TRPS1: variants seen among roughly 807,000 people sequenced by gnomAD.
TRPS1 encodes the protein zinc finger transcription factor Trps1.
A neutral mutation model predicts 101.2 loss-of-function variants in TRPS1; 6 were observed. The ratio of observed to expected loss-of-function variants is 0.06; its 90% CI spans 0.03 to 0.12. The LOEUF (loss-of-function observed/expected upper bound fraction) is 0.12, where lower values mean the gene tolerates loss of function less well. Ranked by LOEUF, TRPS1 falls within the 10% of genes least tolerant of loss-of-function variation. The pLI is 1.00. For synonymous variants in TRPS1, 578 were observed against 589.8 expected, an observed-to-expected ratio of 0.98 and a Z score of 0.29; for missense variants, 1,363 against 1,567.0, an observed-to-expected ratio of 0.87 and a Z score of 2.20.
intron 5 of TRPS1, among the ~76,000 whole-genome samples, chr8:115,438,258 A>T (rs1232012193): frequency 1.3e-5 from 2 of 152,202 alleles, no homozygotes; most frequent in Non-Finnish European, 2.9e-5. Context: ...AATGCCATTC[A>T]TTGAGTATCT....
At position 115,413,403 on chromosome 8, in the gene TRPS1, G is replaced by C. The variant is rs779999597; in HGVS notation, c.*620C>G. The C allele has an allele frequency of 6.5e-6, 1 of 152,672 alleles. No homozygotes were observed. Among genetic ancestry groups the C allele is most frequent in the South Asian group, 2.1e-4 (1 of 4,828 alleles). The allele number at this position is 152,672 out of a possible 1,614,324, so 9.5% of individuals were successfully genotyped here. Reference sequence around the variant, plus strand: ...ACAGGCAGGGCTGGGTAAAAACAGCGTGCCACCATCTGTCATGTTGCTTGC... The same window carrying C: ...ACAGGCAGGGCTGGGTAAAAACAGCCTGCCACCATCTGTCATGTTGCTTGC... On this transcript the variant is annotated 3_prime_UTR_variant, in exon 7 of 7. Transcript: ENST00000395715.
At chr8:115,553,351 A>G (rs1816746018) in intron 5 of TRPS1, among the ~76,000 whole-genome samples, 1 of 152,094 alleles carries the variant, frequency 6.6e-6, no homozygotes, top group Non-Finnish European at 1.5e-5. Context: ...AAAATAAATA[A>G]TGACTGAATC....
intron 5 of TRPS1, among the ~76,000 whole-genome samples, chr8:115,535,406 A>T (rs1054293292): frequency 5.4e-5 from 8 of 148,570 alleles, no homozygotes; most frequent in African/African-American, 1.7e-4. Flanking sequence ...GCATATATAT[A>T]GCATATATAG....
intron 5 of TRPS1, among the ~76,000 whole-genome samples, chr8:115,456,490 AT>A (rs1449412983): frequency 2.6e-5 from 4 of 152,210 alleles, no homozygotes; most frequent in African/African-American, 9.6e-5. Flanking sequence ...TATATATAAT[AT>A]CGATTTTACA....
intron 5 of TRPS1, among the ~76,000 whole-genome samples, chr8:115,422,459 C>T (rs536850443): frequency 2.6e-5 from 4 of 152,176 alleles, no homozygotes; most frequent in East Asian, 3.9e-4. Context: ...CTCCGCCTCC[C>T]GGGTTCAAGT....
At chr8:115,480,492 G>T (rs1211418359) in intron 5 of TRPS1, among the ~76,000 whole-genome samples, 1 of 152,054 alleles carries the variant, frequency 6.6e-6, no homozygotes, top group Non-Finnish European at 1.5e-5. Context: ...TAAGGCATGA[G>T]AAACCTGATG....
At chr8:115,435,910 T>C (rs1280072018) in intron 5 of TRPS1, among the ~76,000 whole-genome samples, 1 of 151,524 alleles carries the variant, frequency 6.6e-6, no homozygotes, top group Non-Finnish European at 1.5e-5. Flanking sequence ...ATGAAGCAAT[T>C]AAGAGAACGA....
chr8:115,482,450 C>T (rs559285195), intron 5 of TRPS1, among the ~76,000 whole-genome samples: 16 of 151,924 alleles, frequency 1.1e-4, no homozygotes, highest in Non-Finnish European at 2.1e-4. Flanking sequence ...TCAATTACTA[C>T]GAATATCTAA....
At chr8:115,598,366 G>A (rs1817834883) in intron 4 of TRPS1, among the ~76,000 whole-genome samples, 1 of 152,144 alleles carries the variant, frequency 6.6e-6, no homozygotes, top group South Asian at 2.1e-4. Flanking sequence ...CCAGGCCAGT[G>A]GCATGATCAT....
At chr8:115,500,011 A>T (rs746256482) in intron 5 of TRPS1, among the ~76,000 whole-genome samples, 2 of 135,588 alleles carry the variant, frequency 1.5e-5, no homozygotes, top group African/African-American at 2.9e-5. Flanking sequence ...ATTTCTGAAG[A>T]GTGGTCAGCT....
intron 5 of TRPS1, among the ~76,000 whole-genome samples, chr8:115,575,180 A>G (rs1817288888): frequency 6.6e-6 from 1 of 152,166 alleles, no homozygotes; most frequent in East Asian, 1.9e-4. Context: ...GGCACTATTG[A>G]TAATAGCAAA....
chr8:115,586,444 G>A (rs1817560390), intron 5 of TRPS1, among the ~76,000 whole-genome samples: 1 of 151,924 alleles, frequency 6.6e-6, no homozygotes, highest in African/African-American at 2.4e-5. Flanking sequence ...TTCACACTTA[G>A]CCTTTTCTCA....
intron 3 of TRPS1, among the ~76,000 whole-genome samples, chr8:115,606,494 G>A (rs1454064056): frequency 3.3e-5 from 5 of 152,050 alleles, no homozygotes; most frequent in Non-Finnish European, 5.9e-5. Flanking sequence ...TTTCACATTA[G>A]GCAATGTCTA....
chr8:115,563,149 T>C (rs1217528175), intron 5 of TRPS1, among the ~76,000 whole-genome samples: 1 of 151,902 alleles, frequency 6.6e-6, no homozygotes, highest in East Asian at 1.9e-4. Flanking sequence ...AGAAAAAACG[T>C]CCCACCCAAC....
Position 115,411,236 on chromosome 8 carries a change from T to G in TRPS1, c.*2787A>C, listed in dbSNP as rs1812781825. On this transcript the variant is annotated 3_prime_UTR_variant, in exon 7 of 7. Transcript: ENST00000395715. ...CTGACCATAAATATTCCAAGAATAGTGATATGTATTTTCCAATGCTAGTCG... is the reference window on the plus strand; with the variant it reads ...CTGACCATAAATATTCCAAGAATAGGGATATGTATTTTCCAATGCTAGTCG... The G allele has an allele frequency of 6.6e-6, 1 of 152,098 alleles. No homozygotes were observed. The highest frequency in any genetic ancestry group is 1.5e-5 in the Non-Finnish European group (1 of 67,898). 9.4% of individuals were successfully genotyped at this position (152,098 alleles called of 1,614,324 possible). A position where few individuals can be genotyped will look rare whatever the true frequency, so the allele number is the denominator to read the frequency against.
chr8:115,462,018 T>C (rs924606203), intron 5 of TRPS1, among the ~76,000 whole-genome samples: 2 of 152,204 alleles, frequency 1.3e-5, no homozygotes, highest in African/African-American at 4.8e-5. Context: ...TTCATCTTTC[T>C]ACTTTCCAAC....
chr8:115,516,920 A>G (rs1053932687), intron 5 of TRPS1, among the ~76,000 whole-genome samples: 1 of 151,640 alleles, frequency 6.6e-6, no homozygotes, highest in Admixed American at 6.6e-5. Context: ...GTGAACAATT[A>G]GTAGAATTAA....
intron 5 of TRPS1, among the ~76,000 whole-genome samples, chr8:115,565,118 T>C (rs753058786): frequency 2.0e-5 from 3 of 152,092 alleles, no homozygotes; most frequent in Admixed American, 6.6e-5. Context: ...TGATTTCTGA[T>C]GTGACAACTC....
At chr8:115,567,249 C>T (rs1043328502) in intron 5 of TRPS1, among the ~76,000 whole-genome samples, 2 of 152,124 alleles carry the variant, frequency 1.3e-5, no homozygotes, top group Non-Finnish European at 2.9e-5. Context: ...TCAACATGGA[C>T]AGAAAAACTC....
Sources: allele counts gnomAD v4.1 joint callset (sites outside exome capture counted in the v4.1 genomes callset), GRCh38; gene constraint gnomAD v4.1.1; transcripts MANE v1.5; gene names NCBI Gene and HGNC (gene_info 2026-07-23, HGNC 2026-07-21).